URI1: variants seen among roughly 807,000 people sequenced by gnomAD.
The protein encoded by URI1 is unconventional prefoldin RPB5 interactor 1.
In URI1, 39 loss-of-function variants were observed where a neutral mutation model predicts 60.2. The observed-to-expected ratio is 0.65, with a 90% confidence interval of 0.50 to 0.85. The LOEUF (loss-of-function observed/expected upper bound fraction) is 0.85, where lower values mean the gene tolerates loss of function less well. Among genes scored for constraint, URI1 ranks in the 40% least tolerant of loss-of-function variants. The pLI is 0.00. For synonymous variants in URI1, 251 were observed against 236.8 expected (o/e 1.06, Z -0.55); for missense variants, 691 against 665.9 (o/e 1.04, Z -0.42).
rs562577823 is a variant in URI1 at position 29,953,465 on chromosome 19, C to T, written c.117+10801C>T. 2.0e-5 allele frequency among the ~76,000 whole-genome samples: 3 copies of T among 152,284 alleles called. No homozygotes were observed. In the South Asian group the frequency reaches 6.2e-4, roughly 32 times the overall value. On this transcript the variant is annotated intron_variant, in intron 1 of 10. Transcript: ENST00000392271. The stretch of plus-strand genomic sequence containing the variant: ...AGTATCTTTCCATCACTTTTTTCCT[C>T]TTTCCATTATAGGCAGAAAGTAAAA...
chr19:29,964,719 C>T (rs2055370431), intron 1 of URI1, among the ~76,000 whole-genome samples: 1 of 152,016 alleles, frequency 6.6e-6, no homozygotes, highest in Non-Finnish European at 1.5e-5. Context: ...GTCTCGGCCT[C>T]CCAAAGTGCT....
intron 2 of URI1, among the ~76,000 whole-genome samples, chr19:29,978,714 A>G (rs2055556089): frequency 6.6e-6 from 1 of 152,188 alleles, no homozygotes; most frequent in African/African-American, 2.4e-5. Context: ...ACCTGAGAGA[A>G]ATGTAGGCTG....
chr19:29,940,514 T>C (rs1276762463), upstream of URI1, among the ~76,000 whole-genome samples: 1 of 151,934 alleles, frequency 6.6e-6, no homozygotes, highest in Non-Finnish European at 1.5e-5. Flanking sequence ...CCAGGTGTGG[T>C]GGCACGCGCC....
chr19:29,962,475 A>C (rs1599678323), intron 1 of URI1, among the ~76,000 whole-genome samples: 1 of 142,144 alleles, frequency 7.0e-6, no homozygotes, highest in African/African-American at 2.7e-5. Flanking sequence ...CATAGCATTC[A>C]TTCATTTATC....
intron 1 of URI1, among the ~76,000 whole-genome samples, chr19:29,931,910 T>TTGTGTGTGTGTGTGTGTG (rs56181840): frequency 9.3e-5 from 13 of 139,992 alleles, no homozygotes; most frequent in African/African-American, 2.1e-4. Flanking sequence ...GCTCTAACAG[T>TTGTGTGTGTGTGTGTGTG]TGTGTGTGTG....
chr19:29,942,109 G>A, upstream of URI1: 1 of 565,316 alleles, frequency 1.8e-6, no homozygotes, highest in Non-Finnish European at 2.2e-6. Flanking sequence ...GCAGCCCAGC[G>A]CGGACACCGC....
At chr19:29,978,265 T>C (rs370116037) in intron 2 of URI1, among the ~76,000 whole-genome samples, 1 of 152,148 alleles carries the variant, frequency 6.6e-6, no homozygotes, top group African/African-American at 2.4e-5. Context: ...TAAACTATTA[T>C]TAAAAAAAAT....
rs546240679 is a variant in URI1, at chr19:30,014,920, G to T, written c.1459G>T (p.Val487Leu). ...TGGAACTGTTATAGAAAAAGAATTT[G>T]TATCACCTTCCTTAACACCACCCCC... ...FSGTVIEKEF[V>L]SPSLTPPPAI... The change falls in exon 11 of 11, where the codon GTA (valine) becomes TTA (leucine). Residue 487 changes from valine (V) to leucine (L), a missense_variant. By Grantham distance (32) the Val-to-Leu change is conservative. Coordinates refer to ENST00000392271, the MANE Select transcript of URI1 (RefSeq NM_003796.3). The T allele has an allele frequency of 1.4e-5, 23 of 1,612,688 alleles. No homozygotes were observed. Among genetic ancestry groups the T allele is most frequent in the Non-Finnish European group, 1.8e-5 (21 of 1,179,166 alleles).
chr19:29,943,209 C>A lies in URI1; in HGVS notation c.117+545C>A, dbSNP rs1457946945. On this transcript the variant is annotated intron_variant, in intron 1 of 10. Transcript: ENST00000392271. ...ATCCTCCCCCTCCTACCCTTCCCCA[C>A]CTCGCCTCCCAAAGTGTTGGGATTA... Among the ~76,000 whole-genome samples the A allele has an allele frequency of 2.0e-5, 3 of 152,160 alleles. No homozygotes were observed. The East Asian group carries it at 5.8e-4, about 29-fold the overall frequency.
chr19:29,928,420 C>T (rs1305732281), intron 1 of URI1, among the ~76,000 whole-genome samples: 1 of 152,146 alleles, frequency 6.6e-6, no homozygotes, highest in Non-Finnish European at 1.5e-5. Flanking sequence ...GCAGTCTGGG[C>T]CGATGTCACG....
intron 1 of URI1, among the ~76,000 whole-genome samples, chr19:29,954,140 C>T (rs1163394469): frequency 1.3e-5 from 2 of 152,162 alleles, no homozygotes; most frequent in Non-Finnish European, 2.9e-5. Flanking sequence ...TTCATTTGCT[C>T]TATCCTACAA....
rs1197693270 is a variant in URI1 at position 30,015,139 on chromosome 19, A to G, written c.*70A>G. 1.3e-6 allele frequency: 2 copies of G among 1,542,372 alleles called. No homozygotes were observed. The highest frequency in any genetic ancestry group is 2.0e-5 in the Admixed American group (1 of 49,070). ...TCATTTGTTTAGAGTATCTATAGCA[A>G]AATAGGTTACATGTAGTTTGAAATA... On this transcript the variant is annotated 3_prime_UTR_variant, in exon 11 of 11. Transcript: ENST00000392271.
intron 1 of URI1, among the ~76,000 whole-genome samples, chr19:29,946,980 G>A (rs1052586897): frequency 6.6e-6 from 1 of 152,182 alleles, no homozygotes; most frequent in Non-Finnish European, 1.5e-5. Context: ...GGTAAGAGGC[G>A]TGTAGAGAAT....
Position 30,015,396 on chromosome 19 carries a change from C to A in URI1, c.*327C>A. 2 of 1,434,714 alleles carry A rather than the reference C, an allele frequency of 1.4e-6. No homozygotes were observed. Among genetic ancestry groups the A allele is most frequent in the Non-Finnish European group, 9.1e-7 (1 of 1,102,200 alleles). 88.9% of individuals were successfully genotyped at this position (1,434,714 alleles called of 1,614,324 possible). ...TTTTGTGTTTCAAACTAAATACAGG[C>A]AGTTTTGTGCCAGCTGTGATATTGT... On this transcript the variant is annotated 3_prime_UTR_variant, in exon 11 of 11. Coordinates refer to ENST00000392271, the MANE Select transcript of URI1 (RefSeq NM_003796.3).
At position 29,942,239 on chromosome 19, in the gene URI1, G is replaced by C; in HGVS notation, c.-309G>C. On this transcript the variant is annotated 5_prime_UTR_variant, in exon 1 of 11. Transcript: ENST00000392271. The stretch of plus-strand genomic sequence containing the variant: ...TCCGGCGTGCCGCGAGAGGCGGGGC[G>C]TGTGGGGAGGCGCGGCCGCCACGCG... The C allele has an allele frequency of 1.0e-6, 1 of 984,786 alleles. No individual in the cohort carries two copies. The highest frequency in any genetic ancestry group is 1.2e-6 in the Non-Finnish European group (1 of 829,684). The allele number at this position is 984,786 out of a possible 1,614,324, so 61.0% of individuals were successfully genotyped here.
chr19:29,956,811 A>G (rs1289324476), intron 1 of URI1: 21 of 1,593,952 alleles, frequency 1.3e-5, no homozygotes, highest in East Asian at 2.2e-5. Flanking sequence ...TTACCCGACC[A>G]TTTGTCAACC....
chr19:29,985,431 GT>G, intron 3 of URI1, 130 bp downstream of exon 3: 1 of 653,338 alleles, frequency 1.5e-6, no homozygotes, highest in Non-Finnish European at 2.4e-6. Context: ...GATTTGTTTT[GT>G]TTTACTTTAT....
intron 1 of URI1, among the ~76,000 whole-genome samples, chr19:29,933,608 C>T (rs1292529219): frequency 6.6e-6 from 1 of 151,890 alleles, no homozygotes; most frequent in East Asian, 1.9e-4. Context: ...ATTGCCTGAG[C>T]CCAGGAGTTC....
At chr19:29,925,372 C>A (rs2054856794) in intron 1 of URI1, among the ~76,000 whole-genome samples, 3 of 152,146 alleles carry the variant, frequency 2.0e-5, no homozygotes, top group Non-Finnish European at 4.4e-5. Context: ...GAGCTGGAGG[C>A]AGGGGGAGGC....
Sources: gnomAD v4.1 joint callset for allele counts (sites outside exome capture counted in the v4.1 genomes callset) on GRCh38, gnomAD v4.1.1 for gene constraint, MANE v1.5 for transcripts, NCBI Gene and HGNC (gene_info 2026-07-23, HGNC 2026-07-21) for gene names.